PAK2: variants seen among roughly 807,000 people sequenced by gnomAD.
PAK2 encodes the protein serine/threonine-protein kinase PAK 2.
Under a neutral mutation model 65.9 loss-of-function variants are expected in PAK2, and 21 were observed. The ratio of observed to expected loss-of-function variants is 0.32; its 90% confidence interval spans 0.23 to 0.46. PAK2 has a LOEUF of 0.46. Ranked by LOEUF, PAK2 falls within the 20% of genes least tolerant of loss-of-function variation. PAK2 has a pLI of 1.00. For synonymous variants in PAK2, 204 were observed against 219.7 expected, an observed-to-expected ratio of 0.93 and a Z score of 0.63; for missense variants, 324 against 642.6, an observed-to-expected ratio of 0.50 and a Z score of 5.36.
rs1712027402 is a variant in PAK2, at chr3:196,830,216, A to G, written c.*1811A>G. ...GACTGTTTTTTATTGATAAGGCAAG[A>G]TTTTCAGAAAAATGAGTAAAATAAT... On this transcript the variant is annotated 3_prime_UTR_variant, in exon 15 of 15. Coordinates refer to ENST00000327134, the MANE Select transcript of PAK2 (RefSeq NM_002577.4). The G allele has an allele frequency of 6.6e-6, 1 of 152,192 alleles. No individual in the cohort carries two copies. The allele number at this position is 152,192 out of a possible 1,614,324, so 9.4% of individuals were successfully genotyped here.
At chr3:196,765,221 C>A (rs1332967959) in intron 1 of PAK2, among the ~76,000 whole-genome samples, 1 of 148,864 alleles carries the variant, frequency 6.7e-6, no homozygotes, top group African/African-American at 2.5e-5. Context: ...GATCTCAGCT[C>A]ACTGCAACCT....
At chr3:196,776,077 C>T (rs1714525499) in intron 1 of PAK2, among the ~76,000 whole-genome samples, 3 of 152,154 alleles carry the variant, frequency 2.0e-5, no homozygotes, top group Non-Finnish European at 4.4e-5. Flanking sequence ...GTCTGCAATA[C>T]CGTGGGGGAG....
chr3:196,773,100 G>A (rs1714412434), intron 1 of PAK2, among the ~76,000 whole-genome samples: 1 of 152,118 alleles, frequency 6.6e-6, no homozygotes, highest in Non-Finnish European at 1.5e-5. Context: ...AGACAATTGA[G>A]GAATTGTTTG....
rs543823127 is a variant in PAK2 at position 196,782,658 on chromosome 3, C to T, written c.12C>T (p.Asn4=). Residue 4 remains asparagine, a synonymous_variant, in exon 2 of 15, where the codon AAC becomes AAT. Transcript: ENST00000327134. ...CATAATTCTGAATCATGTCTGATAA[C>T]GGAGAACTGGAAGATAAGCCTCCAG... MSD[N]GELEDKPPAP... 60 of 1,588,568 alleles carry T rather than the reference C, an allele frequency of 3.8e-5. No individual in the cohort carries two copies. The highest frequency in any genetic ancestry group is 2.3e-4 in the South Asian group (20 of 87,530).
At chr3:196,779,050 A>G (rs1446950654) in intron 1 of PAK2, among the ~76,000 whole-genome samples, 2 of 152,164 alleles carry the variant, frequency 1.3e-5, no homozygotes, top group East Asian at 3.8e-4. Context: ...CTTGCCATAC[A>G]CTGTTCTTTG....
chr3:196,796,699 A>G (rs983708200), intron 2 of PAK2, among the ~76,000 whole-genome samples: 3 of 152,338 alleles, frequency 2.0e-5, no homozygotes, highest in East Asian at 3.8e-4. Flanking sequence ...CAAGAAATCT[A>G]CTTTAAAACA....
chr3:196,788,316 T>G (rs1714962975), intron 2 of PAK2, among the ~76,000 whole-genome samples: 1 of 152,228 alleles, frequency 6.6e-6, no homozygotes, highest in East Asian at 1.9e-4. Flanking sequence ...GATCTAGAGA[T>G]AATTCATTTT....
intron 1 of PAK2, among the ~76,000 whole-genome samples, chr3:196,762,554 C>T (rs934881154): frequency 4.7e-5 from 7 of 150,152 alleles, no homozygotes; most frequent in African/African-American, 1.5e-4. Context: ...GGCGTGGCGG[C>T]GCATGCCTGC....
intron 2 of PAK2, among the ~76,000 whole-genome samples, chr3:196,798,462 G>C (rs1028380445): frequency 1.3e-5 from 2 of 151,842 alleles, no homozygotes; most frequent in African/African-American, 2.4e-5. Flanking sequence ...TCCTGCCTCA[G>C]CCTCCCTAGT....
intron 2 of PAK2, among the ~76,000 whole-genome samples, chr3:196,796,728 C>A (rs1715270743): frequency 6.6e-6 from 1 of 151,702 alleles, no homozygotes; most frequent in African/African-American, 2.4e-5. Context: ...CAAAATAGGC[C>A]AAAATGAAAG....
chr3:196,768,143 A>G (rs1205033418), intron 1 of PAK2, among the ~76,000 whole-genome samples: 2 of 152,104 alleles, frequency 1.3e-5, no homozygotes, highest in African/African-American at 4.8e-5. Context: ...AAAATGATAA[A>G]TCAACACGTG....
chr3:196,749,805 G>C (rs2931210), intron 1 of PAK2, among the ~76,000 whole-genome samples: 67,284 of 151,618 alleles, frequency 0.44, 15,754 homozygotes, highest in Non-Finnish European at 0.53. Flanking sequence ...CATTCCAATA[G>C]GTAGTAGTGT....
chr3:196,771,059 TTTG>T (rs1361426832), intron 1 of PAK2, among the ~76,000 whole-genome samples: 1 of 152,096 alleles, frequency 6.6e-6, no homozygotes, highest in Non-Finnish European at 1.5e-5. Context: ...TAGTTATCTT[TTTG>T]TTATTTTAAA....
At position 196,810,665 on chromosome 3, in the gene PAK2, T is replaced by C; in HGVS notation, c.773+12T>C. 1 of 1,274,052 alleles carries C rather than the reference T, an allele frequency of 7.8e-7. No individual in the cohort carries two copies. Among genetic ancestry groups the C allele is most frequent in the Non-Finnish European group, 1.1e-6 (1 of 871,056 alleles). The allele number at this position is 1,274,052 out of a possible 1,614,324, so 78.9% of individuals were successfully genotyped here. On this transcript the variant is annotated intron_variant, in intron 8 of 14. Coordinates refer to ENST00000327134, the MANE Select transcript of PAK2 (RefSeq NM_002577.4). ...AAAATTGGACAAGGGTAAGTATTTGTGACTGTATTACGATAATATTCAGTA... is the reference window on the plus strand; with the variant it reads ...AAAATTGGACAAGGGTAAGTATTTGCGACTGTATTACGATAATATTCAGTA...
chr3:196,807,966 C>T, intron 7 of PAK2, 52 bp downstream of exon 7: 1 of 1,548,280 alleles, frequency 6.5e-7, no homozygotes, highest in Non-Finnish European at 8.8e-7. Flanking sequence ...GCTCTTAAAA[C>T]ATTTGGCCCA....
At position 196,827,181 on chromosome 3, in the gene PAK2, T is replaced by A; in HGVS notation, c.1351-15T>A. Reference sequence around the variant, plus strand: ...AGCTATCTTAAGTGGATCAAAGATGTTCTTCTATTTTTAGGCCTTGTACCT... The same window carrying A: ...AGCTATCTTAAGTGGATCAAAGATGATCTTCTATTTTTAGGCCTTGTACCT... On this transcript the variant is annotated splice_polypyrimidine_tract_variant and intron_variant, in intron 13 of 14. Coordinates refer to ENST00000327134, the MANE Select transcript of PAK2 (RefSeq NM_002577.4). The A allele has an allele frequency of 6.4e-7, 1 of 1,568,500 alleles. No homozygotes were observed. Among genetic ancestry groups the A allele is most frequent in the Non-Finnish European group, 8.7e-7 (1 of 1,146,894 alleles).
intron 1 of PAK2, among the ~76,000 whole-genome samples, chr3:196,751,090 T>C (rs1713564568): frequency 1.3e-5 from 2 of 152,186 alleles, no homozygotes; most frequent in Non-Finnish European, 2.9e-5. Flanking sequence ...TCTGTCTCAA[T>C]GAACTTGCCT....
At chr3:196,794,968 A>G (rs1000760013) in intron 2 of PAK2, among the ~76,000 whole-genome samples, 25 of 152,334 alleles carry the variant, frequency 1.6e-4, no homozygotes, top group African/African-American at 5.1e-4. Context: ...ATCAACAGGT[A>G]AATTACAGAG....
chr3:196,789,976 C>T (rs1346083192), intron 2 of PAK2, among the ~76,000 whole-genome samples: 2 of 152,168 alleles, frequency 1.3e-5, no homozygotes, highest in Non-Finnish European at 2.9e-5. Context: ...GTGCTCACTC[C>T]CCACTGCTCA....
Sources: allele counts gnomAD v4.1 joint callset (sites outside exome capture counted in the v4.1 genomes callset), GRCh38; gene constraint gnomAD v4.1.1; transcripts MANE v1.5; gene names NCBI Gene and HGNC (gene_info 2026-07-23, HGNC 2026-07-21).